Variants in DPP10 observed in about 807,000 individuals in gnomAD.
DPP10 encodes inactive dipeptidyl peptidase 10.
In DPP10, 33 loss-of-function variants were observed where a neutral mutation model predicts 120.9. The observed-to-expected ratio is 0.27, with a 90% CI of 0.21 to 0.37. DPP10 has a LOEUF of 0.37. DPP10 is among the 10% of genes least tolerant of loss of function. The pLI is 1.00. For synonymous variants in DPP10, 337 were observed against 326.1 expected (o/e 1.03, Z -0.36); for missense variants, 816 against 942.8 (o/e 0.87, Z 1.76).
chr2:114,499,263 G>A (rs756606331), intron 1 of DPP10, among the ~76,000 whole-genome samples: 8 of 152,192 alleles, frequency 5.3e-5, no homozygotes, highest in Non-Finnish European at 1.2e-4. Context: ...CACTCCTCAT[G>A]CATGTGTAAT....
intron 1 of DPP10, among the ~76,000 whole-genome samples, chr2:114,466,697 CTTA>C (rs1010687665): frequency 6.6e-6 from 1 of 152,180 alleles, no homozygotes; most frequent in Admixed American, 6.5e-5. Flanking sequence ...GTGAACCATT[CTTA>C]TTATTATCAT....
At chr2:114,582,501 A>G (rs1411326786) in intron 1 of DPP10, among the ~76,000 whole-genome samples, 1 of 152,214 alleles carries the variant, frequency 6.6e-6, no homozygotes, top group East Asian at 1.9e-4. Context: ...GTTTAATTTT[A>G]TAAGAAACTG....
intron 5 of DPP10, among the ~76,000 whole-genome samples, chr2:115,654,468 C>A (rs1444331430): frequency 1.3e-5 from 2 of 151,764 alleles, no homozygotes; most frequent in African/African-American, 4.8e-5. Context: ...CAGGGAATGT[C>A]TTTGAAAAGA....
At chr2:114,782,524 AG>A (rs35793924) in intron 1 of DPP10, among the ~76,000 whole-genome samples, 1 of 152,076 alleles carries the variant, frequency 6.6e-6, no homozygotes, top group East Asian at 1.9e-4. Flanking sequence ...CCATTTGAGT[AG>A]GGGGGTGTTA....
At chr2:115,228,511 A>G (rs1421828437) in intron 1 of DPP10, among the ~76,000 whole-genome samples, 1 of 152,060 alleles carries the variant, frequency 6.6e-6, no homozygotes, top group Non-Finnish European at 1.5e-5. Flanking sequence ...TCCCCCCTCC[A>G]GCCACTACCA....
rs183525271 is a variant in DPP10 at position 115,332,599 on chromosome 2, T to C, written c.176-11218T>C. 3.7e-3 allele frequency among the ~76,000 whole-genome samples: 568 copies of C among 152,280 alleles called. 1 individual carries two copies. The highest frequency in any genetic ancestry group is 0.013 in the African/African-American group (537 of 41,566). On this transcript the variant is annotated intron_variant, in intron 2 of 25. Coordinates refer to ENST00000410059, the MANE Select transcript of DPP10 (RefSeq NM_020868.6). The stretch of plus-strand genomic sequence containing the variant: ...TTCCCGCTACACACTGCTTTAAATG[T>C]GTCCCAGAGATTCTGGTATGTTGTG...
At chr2:115,183,453 G>A (rs2054219221) in intron 1 of DPP10, among the ~76,000 whole-genome samples, 1 of 152,188 alleles carries the variant, frequency 6.6e-6, no homozygotes, top group South Asian at 2.1e-4. Flanking sequence ...CCTGTTTACT[G>A]GTGTCTCTCC....
intron 1 of DPP10, among the ~76,000 whole-genome samples, chr2:114,595,599 C>T (rs919539594): frequency 2.0e-5 from 3 of 152,092 alleles, no homozygotes; most frequent in African/African-American, 7.2e-5. Context: ...TTTTTGTCAT[C>T]ACACATGGTA....
At chr2:115,609,697 A>C (rs550110489) in intron 5 of DPP10, among the ~76,000 whole-genome samples, 1 of 152,312 alleles carries the variant, frequency 6.6e-6, no homozygotes, top group African/African-American at 2.4e-5. Flanking sequence ...CATTACAGAG[A>C]ATAGTAAGAA....
intron 1 of DPP10, among the ~76,000 whole-genome samples, chr2:115,070,423 A>G (rs531231100): frequency 6.6e-6 from 1 of 152,320 alleles, no homozygotes; most frequent in South Asian, 2.1e-4. Flanking sequence ...CAGTACCTCA[A>G]GCATGCTCTT....
intron 2 of DPP10, among the ~76,000 whole-genome samples, chr2:115,340,614 A>C (rs1018493975): frequency 9.2e-5 from 14 of 151,904 alleles, no homozygotes; most frequent in African/African-American, 3.4e-4. Context: ...ATTTGAAAAT[A>C]AGATTATTTG....
At chr2:114,563,993 A>G (rs2104962944) in intron 1 of DPP10, among the ~76,000 whole-genome samples, 1 of 152,332 alleles carries the variant, frequency 6.6e-6, no homozygotes, top group South Asian at 2.1e-4. Flanking sequence ...GGATAGCAGG[A>G]GAATGGGTGT....
At chr2:115,514,562 A>G (rs976284193) in intron 4 of DPP10, among the ~76,000 whole-genome samples, 1 of 151,930 alleles carries the variant, frequency 6.6e-6, no homozygotes, top group South Asian at 2.1e-4. Context: ...ATGAAAACAT[A>G]TATTGTAAAA....
At chr2:114,852,234 G>A (rs769496438) in intron 1 of DPP10, among the ~76,000 whole-genome samples, 39 of 125,998 alleles carry the variant, frequency 3.1e-4, no homozygotes, top group Admixed American at 2.1e-4. Flanking sequence ...CTCCTACTGA[G>A]CCCTCAGGGA....
chr2:114,455,885 T>G (rs187038579), intron 1 of DPP10, among the ~76,000 whole-genome samples: 79 of 152,310 alleles, frequency 5.2e-4, no homozygotes, highest in African/African-American at 1.8e-3. Context: ...AGGGCTTAAT[T>G]TTTTGAATGC....
intron 4 of DPP10, among the ~76,000 whole-genome samples, chr2:115,516,171 G>A (rs2077494665): frequency 6.6e-6 from 1 of 152,110 alleles, no homozygotes; most frequent in Non-Finnish European, 1.5e-5. Context: ...AGTGTTTGCA[G>A]ATGTTCTTGG....
At chr2:114,929,120 G>A (rs1695870795) in intron 1 of DPP10, among the ~76,000 whole-genome samples, 1 of 152,094 alleles carries the variant, frequency 6.6e-6, no homozygotes, top group Non-Finnish European at 1.5e-5. Flanking sequence ...TTTTTATTAG[G>A]GATTTCAAAA....
intron 1 of DPP10, among the ~76,000 whole-genome samples, chr2:114,656,804 G>C (rs1429666932): frequency 1.3e-5 from 2 of 152,144 alleles, no homozygotes; most frequent in African/African-American, 4.8e-5. Context: ...CCTCTCAGGA[G>C]AGCTTAATTC....
intron 12 of DPP10, among the ~76,000 whole-genome samples, chr2:115,767,586 A>G (rs1680944390): frequency 6.6e-6 from 1 of 151,300 alleles, no homozygotes; most frequent in Admixed American, 6.6e-5. Context: ...GTGTGTGTGT[A>G]TATATATATG....
Sources: gnomAD v4.1 joint callset for allele counts (sites outside exome capture counted in the v4.1 genomes callset) on GRCh38, gnomAD v4.1.1 for gene constraint, MANE v1.5 for transcripts, NCBI Gene and HGNC (gene_info 2026-07-23, HGNC 2026-07-21) for gene names.